ATP10B: variants seen among roughly 807,000 people sequenced by gnomAD.
The protein encoded by ATP10B is ATPase phospholipid transporting 10B (putative).
Under a neutral mutation model 141.2 loss-of-function variants are expected in ATP10B, and 122 were observed. The ratio of observed to expected loss-of-function variants is 0.86; its 90% CI spans 0.75 to 1.00. The LOEUF (loss-of-function observed/expected upper bound fraction) is 1.00. ATP10B is among the 50% of genes least tolerant of loss of function. The probability of loss-of-function intolerance (pLI) is 0.00; values close to 1 mark genes in which losing one functional copy is unlikely to be tolerated. For missense variants in ATP10B, 1,876 were observed against 1,825.3 expected (o/e 1.03, Z -0.51); for synonymous variants, 685 against 692.0 (o/e 0.99, Z 0.16).
At chr5:160,753,784 C>T (rs541672801) in intron 2 of ATP10B, among the ~76,000 whole-genome samples, 1 of 152,250 alleles carries the variant, frequency 6.6e-6, no homozygotes, top group South Asian at 2.1e-4. Flanking sequence ...CTAATTTACC[C>T]ATATACTACC....
At chr5:160,645,264 G>A (rs1760197119) in intron 8 of ATP10B, among the ~76,000 whole-genome samples, 1 of 152,200 alleles carries the variant, frequency 6.6e-6, no homozygotes, top group Non-Finnish European at 1.5e-5. Flanking sequence ...ACAAGGACTG[G>A]CAGTGTTCAC....
intron 2 of ATP10B, among the ~76,000 whole-genome samples, chr5:160,729,248 C>T (rs1054863662): frequency 2.0e-5 from 3 of 152,166 alleles, no homozygotes; most frequent in Admixed American, 1.3e-4. Context: ...TGGGTATTCT[C>T]GGTGGGCTGT....
chr5:160,743,852 T>C (rs1767635141), intron 2 of ATP10B, among the ~76,000 whole-genome samples: 1 of 152,078 alleles, frequency 6.6e-6, no homozygotes. Flanking sequence ...GTTTTGATTG[T>C]CGAAAGTAGG....
At chr5:160,878,479 A>T in the ATP10B span, among the ~76,000 whole-genome samples, 4 of 152,206 alleles carry the variant, frequency 2.6e-5, no homozygotes, top group Non-Finnish European at 4.4e-5. Flanking sequence ...ATGGGCAAGG[A>T]CACTTCATGT....
chr5:160,649,582 T>G (rs754476544), intron 7 of ATP10B, among the ~76,000 whole-genome samples: 1 of 152,218 alleles, frequency 6.6e-6, no homozygotes, highest in Non-Finnish European at 1.5e-5. Flanking sequence ...TTGTGCAGTA[T>G]GGAAGCCACT....
the ATP10B span, among the ~76,000 whole-genome samples, chr5:160,862,147 G>A: frequency 0.026 from 3,900 of 152,020 alleles, 72 homozygotes; most frequent in Non-Finnish European, 0.04. Context: ...AACTTAGCTA[G>A]GCTACAGTCA....
chr5:160,886,803 G>A, the ATP10B span, among the ~76,000 whole-genome samples: 4 of 152,128 alleles, frequency 2.6e-5, no homozygotes, highest in Non-Finnish European at 4.4e-5. Flanking sequence ...CAACAAGAAC[G>A]AACCATATAA....
intron 1 of ATP10B, among the ~76,000 whole-genome samples, chr5:160,825,663 G>A (rs1416553181): frequency 6.6e-6 from 1 of 152,156 alleles, no homozygotes; most frequent in Non-Finnish European, 1.5e-5. Context: ...TATGTCAGTA[G>A]TCAGTAGCAT....
intron 1 of ATP10B, among the ~76,000 whole-genome samples, chr5:160,787,169 C>T (rs896252828): frequency 2.0e-5 from 3 of 151,528 alleles, no homozygotes; most frequent in African/African-American, 7.3e-5. Context: ...ACTACATTCA[C>T]ACATTGAAAA....
intron 2 of ATP10B, among the ~76,000 whole-genome samples, chr5:160,736,696 G>T (rs538863605): frequency 3.3e-5 from 5 of 152,262 alleles, no homozygotes; most frequent in Non-Finnish European, 5.9e-5. Context: ...GGGGGCAGAG[G>T]TTGCAGTGAG....
intron 5 of ATP10B, among the ~76,000 whole-genome samples, chr5:160,687,223 T>G (rs528889891): frequency 6.6e-6 from 1 of 152,354 alleles, no homozygotes; most frequent in East Asian, 1.9e-4. Context: ...ATTAAAAAAC[T>G]AATGTCTGTC....
chr5:160,830,747 G>T (rs1775013577), intron 1 of ATP10B, among the ~76,000 whole-genome samples: 1 of 151,948 alleles, frequency 6.6e-6, no homozygotes, highest in South Asian at 2.1e-4. Flanking sequence ...GTCACTGGAA[G>T]CTCTAGAGTA....
Position 160,706,943 on chromosome 5 carries a change from A to ATATTTATTTATT in ATP10B, c.-205+9954_-205+9965dup, listed in dbSNP as rs551509241. ...ATTTGTGGACTGTTGGTTTGTTTTA[A>ATATTTATTTATT]TATTTATTTATTTATTTATTTATTT... On this transcript the variant is annotated intron_variant, in intron 3 of 25. Transcript: ENST00000327245. Among the ~76,000 whole-genome samples, 1,391 of 151,748 alleles carry ATATTTATTTATT rather than the reference A, an allele frequency of 9.2e-3. 18 individuals carry two copies. The highest frequency in any genetic ancestry group is 0.032 in the African/African-American group (1,326 of 41,326).
chr5:160,900,104 C>T, the ATP10B span, among the ~76,000 whole-genome samples: 3 of 152,114 alleles, frequency 2.0e-5, no homozygotes, highest in Non-Finnish European at 2.9e-5. Flanking sequence ...GAAAATCCAC[C>T]ACTTCCTGTG....
At chr5:160,831,061 C>G (rs1481852996) in intron 1 of ATP10B, among the ~76,000 whole-genome samples, 1 of 151,696 alleles carries the variant, frequency 6.6e-6, no homozygotes, top group African/African-American at 2.4e-5. Flanking sequence ...CTTATATTAA[C>G]TCTCATCTTT....
At chr5:160,860,993 G>T in the ATP10B span, among the ~76,000 whole-genome samples, 1 of 151,888 alleles carries the variant, frequency 6.6e-6, no homozygotes, top group African/African-American at 2.4e-5. Context: ...CCTGGCCTCT[G>T]TAGCAACTCA....
intron 19 of ATP10B, 65 bp from the exon 20 acceptor site, chr5:160,604,106 C>T: frequency 8.5e-7 from 1 of 1,180,310 alleles, no homozygotes; most frequent in East Asian, 2.3e-5. Flanking sequence ...TGAGGTAGCT[C>T]TAAAGTGTCC....
At chr5:160,796,177 T>G (rs561733055) in intron 1 of ATP10B, among the ~76,000 whole-genome samples, 7 of 152,116 alleles carry the variant, frequency 4.6e-5, no homozygotes, top group Non-Finnish European at 8.8e-5. Context: ...GAATTTACCA[T>G]TCACATTCCA....
At chr5:160,628,946 G>GAA (rs200432432) in intron 13 of ATP10B, among the ~76,000 whole-genome samples, 1 of 148,924 alleles carries the variant, frequency 6.7e-6, no homozygotes, top group African/African-American at 2.5e-5. Context: ...TGTCATAAAA[G>GAA]AAAAAAAAAC....
Sources: allele counts gnomAD v4.1 joint callset (sites outside exome capture counted in the v4.1 genomes callset), GRCh38; gene constraint gnomAD v4.1.1; transcripts MANE v1.5; gene names NCBI Gene and HGNC (gene_info 2026-07-23, HGNC 2026-07-21).